Variants in PEG3 observed in about 807,000 individuals in gnomAD.
PEG3 encodes the protein paternally expressed 3.
Under a neutral mutation model 35.5 loss-of-function variants are expected in PEG3, and 23 were observed. The ratio of observed to expected loss-of-function variants is 0.65; its 90% CI spans 0.47 to 0.92. PEG3 has a LOEUF of 0.92. Ranked by LOEUF, PEG3 falls within the 40% of genes least tolerant of loss-of-function variation. PEG3 has a pLI of 0.00. For synonymous variants in PEG3, 707 were observed against 697.0 expected, an observed-to-expected ratio of 1.01 and a Z score of -0.23; for missense variants, 1,960 against 1,985.3, an observed-to-expected ratio of 0.99 and a Z score of 0.24.
chr19:56,839,940 T>A (rs2062790994), intron 1 of PEG3, among the ~76,000 whole-genome samples: 1 of 152,216 alleles, frequency 6.6e-6, no homozygotes, highest in Admixed American at 6.5e-5. Context: ...GCCGCCCTTA[T>A]TTAAGATACC....
At chr19:56,819,397 T>A (rs1240349536) in intron 7 of PEG3, among the ~76,000 whole-genome samples, 1 of 152,214 alleles carries the variant, frequency 6.6e-6, no homozygotes, top group Non-Finnish European at 1.5e-5. Flanking sequence ...AAAGGAATTT[T>A]AAAATTCCTC....
chr19:56,820,689 T>A (rs2060403895), intron 7 of PEG3, among the ~76,000 whole-genome samples: 1 of 152,214 alleles, frequency 6.6e-6, no homozygotes, highest in African/African-American at 2.4e-5. Context: ...TTGTTACAAT[T>A]TCTTGTTAAC....
At chr19:56,839,723 C>T (rs2062746317) in intron 1 of PEG3, among the ~76,000 whole-genome samples, 1 of 151,572 alleles carries the variant, frequency 6.6e-6, no homozygotes, top group South Asian at 2.1e-4. Context: ...ATGCAACCCA[C>T]AGTCATTCAG....
At position 56,836,063 on chromosome 19, in the gene PEG3, G is replaced by A. The variant is rs778011229; in HGVS notation, c.-208C>T. ...TTTGGACCTAGTCCCTCTTCCTCTCGCCAGTCGTCTCCAAGAAGGACGGAA... is the reference window on the plus strand; with the variant it reads ...TTTGGACCTAGTCCCTCTTCCTCTCACCAGTCGTCTCCAAGAAGGACGGAA... On this transcript the variant is annotated 5_prime_UTR_variant, in exon 2 of 10. Coordinates refer to ENST00000326441, the MANE Select transcript of PEG3 (RefSeq NM_006210.3). 1.6e-5 allele frequency: 8 copies of A among 506,300 alleles called. No individual in the cohort carries two copies. The highest frequency in any genetic ancestry group is 1.1e-4 in the East Asian group (2 of 17,994). The allele number at this position is 506,300 out of a possible 1,614,324, so 31.4% of individuals were successfully genotyped here.
In PEG3 at chr19:56,817,255, A is replaced by G. The variant is rs1488233719; in HGVS notation, c.1187T>C (p.Phe396Ser). The change falls in exon 10 of 10, where the codon TTT (phenylalanine) becomes TCT (serine). Residue 396 changes from phenylalanine (F) to serine (S), a missense_variant. By Grantham distance (155) the Phe-to-Ser change is radical (BLOSUM62 -2). Coordinates refer to ENST00000326441, the MANE Select transcript of PEG3 (RefSeq NM_006210.3). ...RVLERKRRYH[F>S]DTDGKGSIHD... ...AATCGAGCCCTTCCCATCTGTGTCA[A>G]AATGATAGCGCCTCTTTCTTTCAAG... 3 of 1,614,074 alleles carry G rather than the reference A, an allele frequency of 1.9e-6. No individual in the cohort carries two copies. Among genetic ancestry groups the G allele is most frequent in the Non-Finnish European group, 2.5e-6 (3 of 1,180,020 alleles).
At chr19:56,821,071 T>C (rs572748800) in intron 7 of PEG3, among the ~76,000 whole-genome samples, 12 of 152,322 alleles carry the variant, frequency 7.9e-5, no homozygotes, top group Non-Finnish European at 1.5e-4. Flanking sequence ...ACTGCCATAA[T>C]TGTTAACATT....
At chr19:56,821,518 C>T (rs2060484437) in intron 7 of PEG3, 133 bp downstream of exon 7, 3 of 1,084,482 alleles carry the variant, frequency 2.8e-6, no homozygotes, top group South Asian at 3.0e-5. Flanking sequence ...GGCCCGGGCT[C>T]CTCCTGGAGC....
chr19:56,816,324 A>T lies in PEG3; in HGVS notation c.2118T>A (p.Ile706=), dbSNP rs1330894223. 6.2e-7 allele frequency: 1 copy of T among 1,614,132 alleles called. No homozygotes were observed. The highest frequency in any genetic ancestry group is 1.1e-5 in the South Asian group (1 of 91,078). ...CTTCAAAGAGGTTCTTTCGAGAATG[A>T]ATTTTCTGATGCTCACTGAGCTCTG... ...QSSELSEHQK[I]HSRKNLFEGR... The change falls in exon 10 of 10, where the codon ATT becomes ATA. Residue 706 remains isoleucine (I), a synonymous_variant. Transcript: ENST00000326441.
chr19:56,834,797 T>C (rs1335033328), intron 2 of PEG3, among the ~76,000 whole-genome samples: 4 of 152,176 alleles, frequency 2.6e-5, no homozygotes, highest in Non-Finnish European at 5.9e-5. Flanking sequence ...CATAGCCACC[T>C]ATCTTGGTAA....
chr19:56,815,835 A>T lies in PEG3; in HGVS notation c.2607T>A (p.Asn869Lys), dbSNP rs2059929255. 2 of 1,613,758 alleles carry T rather than the reference A, an allele frequency of 1.2e-6. No homozygotes were observed. The highest frequency in any genetic ancestry group is 8.5e-7 in the Non-Finnish European group (1 of 1,179,762). Residue 869 changes from asparagine to lysine, a missense_variant, in exon 10 of 10, where the codon AAT becomes AAA. Asn to Lys is a moderately conservative substitution (Grantham distance 94, BLOSUM62 0). Coordinates refer to ENST00000326441, the MANE Select transcript of PEG3 (RefSeq NM_006210.3). ...TGGCAGGAATCTTCTGTCGCTTATC[A>T]TTAAGGTCTGAGATATAAATGGAGG... The part of the protein sequence containing the change: ...GESSIYISDL[N>K]DKRQKIPARE...
At chr19:56,838,330 G>A (rs1380541119) in intron 1 of PEG3, among the ~76,000 whole-genome samples, 2 of 152,198 alleles carry the variant, frequency 1.3e-5, no homozygotes, top group Non-Finnish European at 2.9e-5. Flanking sequence ...TGTCACTCAA[G>A]ATGGCGCCTG....
rs2060727652 is a variant in PEG3, at chr19:56,823,694, G to T, written c.395-15C>A. The T allele has an allele frequency of 6.2e-7, 1 of 1,614,012 alleles. No individual in the cohort carries two copies. The highest frequency in any genetic ancestry group is 1.3e-5 in the African/African-American group (1 of 75,020). ...GTTGTTGTCGTCTAAGAGGACACCG[G>T]TCGCCAAGTTACTATCTCTGGCCCA... On this transcript the variant is annotated splice_polypyrimidine_tract_variant and intron_variant, in intron 4 of 9. Transcript: ENST00000326441.
rs761361366 is a variant in PEG3, at chr19:56,823,640, G to A, written c.434C>T (p.Thr145Ile). ...NSDVTSDDDM[T>I]RNRRESSPPH... ...TGGTGAGGACTCTCTTCTGTTCCGG[G>A]TCATGTCGTCGTCGCTGGTCACGTC... Residue 145 changes from threonine (T) to isoleucine (I), a missense_variant, in exon 5 of 10, where the codon ACC becomes ATC. Thr to Ile is a moderately conservative substitution (Grantham distance 89). This residue lies in a region of PEG3 where 613 missense variants were observed against 577.1 expected (regional missense o/e 1.06). Transcript: ENST00000326441. The A allele has an allele frequency of 2.5e-6, 4 of 1,614,140 alleles. No individual in the cohort carries two copies. In the South Asian group the frequency reaches 4.4e-5, roughly 18 times the overall value.
Position 56,824,754 on chromosome 19 carries a change from A to G in PEG3, c.-86-13T>C, listed in dbSNP as rs1018558860. 4 of 1,171,174 alleles carry G rather than the reference A, an allele frequency of 3.4e-6. No individual in the cohort carries two copies. The African/African-American group carries it at 6.1e-5, about 18-fold the overall frequency. The allele number at this position is 1,171,174 out of a possible 1,614,324, so 72.5% of individuals were successfully genotyped here. On this transcript the variant is annotated splice_polypyrimidine_tract_variant and intron_variant, in intron 3 of 9. Transcript: ENST00000326441. ...AGTACTCAGGGACCTGTGGATCGTA[A>G]GGAGATATACACATGTCCCAGAAGT...
chr19:56,812,610 G>A lies in PEG3; in HGVS notation c.*1065C>T. 1 of 985,734 alleles carries A rather than the reference G, an allele frequency of 1.0e-6. No homozygotes were observed. Among genetic ancestry groups the A allele is most frequent in the Non-Finnish European group, 1.2e-6 (1 of 829,904 alleles). 61.1% of individuals were successfully genotyped at this position (985,734 alleles called of 1,614,324 possible). On this transcript the variant is annotated 3_prime_UTR_variant, in exon 10 of 10. Transcript: ENST00000326441. ...TGTTGCTACTTGTCACTTAAGGCAG[G>A]AAGCGCACAAAGGAAGTGATGAAAG...
At chr19:56,821,791 C>T in intron 6 of PEG3, 37 bp from the exon 7 acceptor site, 1 of 1,609,376 alleles carries the variant, frequency 6.2e-7, no homozygotes, top group Non-Finnish European at 8.5e-7. Flanking sequence ...AAGCAGGGCC[C>T]AGTCCATCCT....
chr19:56,823,747 C>T, intron 4 of PEG3, 68 bp from the exon 5 acceptor site: 1 of 1,556,072 alleles, frequency 6.4e-7, no homozygotes, highest in East Asian at 2.2e-5. Context: ...CCCCCAATCC[C>T]TGAGCCGCAT....
rs563301824 is a variant in PEG3, at chr19:56,824,739, G to A, written c.-84C>T. The stretch of plus-strand genomic sequence containing the variant: ...CAGCCTGTGACCGTCAGTACTCAGG[G>A]ACCTGTGGATCGTAAGGAGATATAC... On this transcript the variant is annotated splice_region_variant and 5_prime_UTR_variant, in exon 4 of 10. Coordinates refer to ENST00000326441, the MANE Select transcript of PEG3 (RefSeq NM_006210.3). 197 of 1,324,308 alleles carry A rather than the reference G, an allele frequency of 1.5e-4. 4 individuals are homozygous for A. The South Asian group carries it at 2.2e-3, about 15-fold the overall frequency. The allele number at this position is 1,324,308 out of a possible 1,614,324, so 82.0% of individuals were successfully genotyped here.
chr19:56,827,407 G>C (rs1024805450), intron 2 of PEG3, among the ~76,000 whole-genome samples: 1 of 151,152 alleles, frequency 6.6e-6, no homozygotes, highest in Non-Finnish European at 1.5e-5. Flanking sequence ...TTTTTTAACA[G>C]AAAAACCTTA....
Sources: allele counts gnomAD v4.1 joint callset (sites outside exome capture counted in the v4.1 genomes callset), GRCh38; gene constraint gnomAD v4.1.1; regional missense constraint gnomAD v4.1.1; transcripts MANE v1.5; gene names NCBI Gene and HGNC (gene_info 2026-07-23, HGNC 2026-07-21).